AGPAT4: variants seen among roughly 807,000 people sequenced by gnomAD.
AGPAT4 encodes the protein 1-acyl-sn-glycerol-3-phosphate acyltransferase delta.
AGPAT4 carries 15 observed loss-of-function variants against 48.0 expected under a neutral mutation model. That is an observed-to-expected ratio of 0.31 (90% CI 0.21 to 0.48). The LOEUF is 0.48. Ranked by LOEUF, AGPAT4 falls within the 20% of genes least tolerant of loss-of-function variation. AGPAT4 has a pLI of 0.99. For missense variants in AGPAT4, 314 were observed against 482.5 expected (o/e 0.65, Z 3.27); for synonymous variants, 178 against 198.7 (o/e 0.90, Z 0.88).
intron 2 of AGPAT4, among the ~76,000 whole-genome samples, chr6:161,183,496 T>G (rs1038347657): frequency 6.6e-6 from 1 of 150,888 alleles, no homozygotes; most frequent in African/African-American, 2.4e-5. Context: ...GGCGCATGCC[T>G]GTAATCCCAG....
At chr6:161,187,589 G>C (rs182041876) in intron 2 of AGPAT4, among the ~76,000 whole-genome samples, 1 of 151,940 alleles carries the variant, frequency 6.6e-6, no homozygotes, top group Admixed American at 6.5e-5. Flanking sequence ...GCTCAGGCTG[G>C]ATGGAGTGCA....
rs775277076 is a variant in AGPAT4, at chr6:161,139,528, C to T, written c.936G>A (p.Leu312=). 1.9e-6 allele frequency: 3 copies of T among 1,614,026 alleles called. No homozygotes were observed. The East Asian group carries it at 6.7e-5, about 36-fold the overall frequency. The change falls in exon 8 of 9, where the codon CTG becomes CTA. Residue 312 remains leucine (L), a synonymous_variant. Transcript: ENST00000320285. The surrounding 1 kb of genome is among the most constrained non-coding windows in gnomAD (Gnocchi z 9.1). The stretch of plus-strand genomic sequence containing the variant: ...GGTAGAGCACCAGCGAGGCCCAAAA[C>T]AGCCAGTTCACGAGGGTCCAGGGCC... ...PRRPWTLVNW[L]FWASLVLYPF...
At position 161,171,772 on chromosome 6, in the gene AGPAT4, C is replaced by T. The variant is rs1444590177; in HGVS notation, c.179-5355G>A. On this transcript the variant is annotated intron_variant, in intron 2 of 8. Transcript: ENST00000320285. The surrounding 1 kb of genome is among the most constrained non-coding windows in gnomAD (Gnocchi z 4.4). ...AAAATTAGCTGGGCGTGGTGGCAGG[C>T]ACCTGTAGTCCCAGCTACTCGGGAG... Among the ~76,000 whole-genome samples, 2 of 151,562 alleles carry T rather than the reference C, an allele frequency of 1.3e-5. No homozygotes were observed. The highest frequency in any genetic ancestry group is 4.9e-5 in the African/African-American group (2 of 41,216).
In AGPAT4 at chr6:161,195,915, C is replaced by T. The variant is rs1276894350; in HGVS notation, c.179-29498G>A. ...GAATGTTCTCAAGGTCCGCTCCGAT[C>T]CTATCTTTTCCCAAAGCTTCCTGAC... On this transcript the variant is annotated intron_variant, in intron 2 of 8. Coordinates refer to ENST00000320285, the MANE Select transcript of AGPAT4 (RefSeq NM_020133.3). This position sits in a 1 kb window ranked among gnomAD's most constrained non-coding sequence, Gnocchi z 5.0. Among the ~76,000 whole-genome samples, 1 of 152,180 alleles carries T rather than the reference C, an allele frequency of 6.6e-6. No individual in the cohort carries two copies. The highest frequency in any genetic ancestry group is 2.4e-5 in the African/African-American group (1 of 41,434).
Position 161,165,470 on chromosome 6 carries a change from T to C in AGPAT4, c.348+778A>G, listed in dbSNP as rs1780067784. The C allele has an allele frequency of 1.6e-6, 1 of 635,592 alleles. No individual in the cohort carries two copies. The highest frequency in any genetic ancestry group is 3.8e-5 in the Admixed American group (1 of 26,204). 39.4% of individuals were successfully genotyped at this position (635,592 alleles called of 1,614,324 possible). ...CCCCCGTATCTGTTCTACAGGGCAT[T>C]GTTCCCAGGTGCAAAACCTGATCTC... On this transcript the variant is annotated intron_variant, in intron 3 of 8. Coordinates refer to ENST00000320285, the MANE Select transcript of AGPAT4 (RefSeq NM_020133.3). This position sits in a 1 kb window ranked among gnomAD's most constrained non-coding sequence, Gnocchi z 5.5.
In AGPAT4 at chr6:161,138,154, G is replaced by A. The variant is rs558106369; in HGVS notation, c.1042+1268C>T. Among the ~76,000 whole-genome samples the A allele has an allele frequency of 6.6e-6, 1 of 152,358 alleles. No individual in the cohort carries two copies. Among genetic ancestry groups the A allele is most frequent in the East Asian group, 1.9e-4 (1 of 5,180 alleles). ...CAGCCTCAGCATGGCGGGGCATGGGGGTGCCCCTGGACCTGCCTTAAGGAG... is the reference window on the plus strand; with the variant it reads ...CAGCCTCAGCATGGCGGGGCATGGGAGTGCCCCTGGACCTGCCTTAAGGAG... On this transcript the variant is annotated intron_variant, in intron 8 of 8. Transcript: ENST00000320285. This position sits in a 1 kb window ranked among gnomAD's most constrained non-coding sequence, Gnocchi z 4.8.
Position 161,130,536 on chromosome 6 carries a change from T to G in AGPAT4, c.*6004A>C, listed in dbSNP as rs1289273847. The G allele has an allele frequency of 5.4e-6, 1 of 186,082 alleles. No homozygotes were observed. The highest frequency in any genetic ancestry group is 1.1e-5 in the Non-Finnish European group (1 of 87,042). The allele number at this position is 186,082 out of a possible 1,614,324, so 11.5% of individuals were successfully genotyped here. A position where few individuals can be genotyped will look rare whatever the true frequency, so the allele number is the denominator to read the frequency against. On this transcript the variant is annotated 3_prime_UTR_variant, in exon 9 of 9. Coordinates refer to ENST00000320285, the MANE Select transcript of AGPAT4 (RefSeq NM_020133.3). The stretch of plus-strand genomic sequence containing the variant: ...AACCCTGGGTACAATTGATACAGGC[T>G]GAGAAGTAAGAATTCACTGTTCACT...
Position 161,180,664 on chromosome 6 carries a change from G to A in AGPAT4, c.179-14247C>T, listed in dbSNP as rs545993690. 8.5e-5 allele frequency among the ~76,000 whole-genome samples: 13 copies of A among 152,212 alleles called. No individual in the cohort carries two copies. In the South Asian group the frequency reaches 2.7e-3, roughly 32 times the overall value. ...TCAGAAGCATCCAAAATGCAAAAGC[G>A]AAGCTACTAAGTTTCTGGTGCCTGA... On this transcript the variant is annotated intron_variant, in intron 2 of 8. Transcript: ENST00000320285. This position sits in a 1 kb window ranked among gnomAD's most constrained non-coding sequence, Gnocchi z 6.4.
At position 161,159,112 on chromosome 6, in the gene AGPAT4, T is replaced by C. The variant is rs1033721934; in HGVS notation, c.349-4802A>G. On this transcript the variant is annotated intron_variant, in intron 3 of 8. Coordinates refer to ENST00000320285, the MANE Select transcript of AGPAT4 (RefSeq NM_020133.3). This position sits in a 1 kb window ranked among gnomAD's most constrained non-coding sequence, Gnocchi z 4.1. ...GCCTGCCTTTGAGTCCTTTGACTGT[T>C]TTCTTGACTACCAGCTGGAGCCACT... Among the ~76,000 whole-genome samples the C allele has an allele frequency of 5.1e-4, 78 of 152,214 alleles. No individual in the cohort carries two copies. Among genetic ancestry groups the C allele is most frequent in the Admixed American group, 4.0e-3 (61 of 15,276 alleles).
Position 161,161,299 on chromosome 6 carries a change from C to A in AGPAT4, c.348+4949G>T, listed in dbSNP as rs150657667. 5 of 456,710 alleles carry A rather than the reference C, an allele frequency of 1.1e-5. No homozygotes were observed. In the Admixed American group the frequency reaches 1.2e-4, roughly 11 times the overall value. 28.3% of individuals were successfully genotyped at this position (456,710 alleles called of 1,614,324 possible). ...CAGGATGGTAGTCGGTATGAACCCG[C>A]GGTGCAGCCATAGTCCCGTGAGCTG... On this transcript the variant is annotated intron_variant, in intron 3 of 8. Coordinates refer to ENST00000320285, the MANE Select transcript of AGPAT4 (RefSeq NM_020133.3). The surrounding 1 kb of genome is among the most constrained non-coding windows in gnomAD (Gnocchi z 4.6).
intron 1 of AGPAT4, among the ~76,000 whole-genome samples, chr6:161,257,589 C>T (rs1229672838): frequency 6.6e-6 from 1 of 151,842 alleles, no homozygotes; most frequent in African/African-American, 2.4e-5. Flanking sequence ...CTTAGTAATG[C>T]CATTAAAAAA....
chr6:161,165,537 A>C lies in AGPAT4; in HGVS notation c.348+711T>G. The C allele has an allele frequency of 8.2e-7, 1 of 1,212,470 alleles. No individual in the cohort carries two copies. The highest frequency in any genetic ancestry group is 1.1e-6 in the Non-Finnish European group (1 of 940,322). The allele number at this position is 1,212,470 out of a possible 1,614,324, so 75.1% of individuals were successfully genotyped here. On this transcript the variant is annotated intron_variant, in intron 3 of 8. Transcript: ENST00000320285. This position sits in a 1 kb window ranked among gnomAD's most constrained non-coding sequence, Gnocchi z 5.5. ...CTCTTAGGACCTTTCCTAGCCCCAG[A>C]CCAATGTACACTGTGTACACTGTGA...
chr6:161,182,779 G>A (rs1386152997), intron 2 of AGPAT4, among the ~76,000 whole-genome samples: 2 of 152,220 alleles, frequency 1.3e-5, no homozygotes, highest in African/African-American at 2.4e-5. Context: ...CCATGACATA[G>A]CCTCTAAAAC....
At position 161,161,283 on chromosome 6, in the gene AGPAT4, A is replaced by G. The variant is rs1481292547; in HGVS notation, c.348+4965T>C. ...CATGCGCTCCCACCTCCAGGATGGT[A>G]GTCGGTATGAACCCGCGGTGCAGCC... On this transcript the variant is annotated intron_variant, in intron 3 of 8. Coordinates refer to ENST00000320285, the MANE Select transcript of AGPAT4 (RefSeq NM_020133.3). The surrounding 1 kb of genome is among the most constrained non-coding windows in gnomAD (Gnocchi z 4.6). 2.2e-6 allele frequency: 1 copy of G among 456,642 alleles called. No individual in the cohort carries two copies. Among genetic ancestry groups the G allele is most frequent in the East Asian group, 7.0e-5 (1 of 14,382 alleles). 28.3% of individuals were successfully genotyped at this position (456,642 alleles called of 1,614,324 possible). A position where few individuals can be genotyped will look rare whatever the true frequency, so the allele number is the denominator to read the frequency against.
intron 1 of AGPAT4, among the ~76,000 whole-genome samples, chr6:161,252,316 C>T (rs1404722304): frequency 6.6e-6 from 1 of 152,120 alleles, no homozygotes; most frequent in African/African-American, 2.4e-5. Flanking sequence ...TTTCACGTTG[C>T]GAATTCCCAA....
At position 161,223,994 on chromosome 6, in the gene AGPAT4, G is replaced by A. The variant is rs895993919; in HGVS notation, c.178+8042C>T. 4.6e-5 allele frequency among the ~76,000 whole-genome samples: 7 copies of A among 152,204 alleles called. No individual in the cohort carries two copies. Among genetic ancestry groups the A allele is most frequent in the African/African-American group, 1.2e-4 (5 of 41,440 alleles). ...TTGTTCCTCTTAGCCTGCACGGATC[G>A]TGATTCTTTTATTTTTCTCCCATCT... On this transcript the variant is annotated intron_variant, in intron 2 of 8. Coordinates refer to ENST00000320285, the MANE Select transcript of AGPAT4 (RefSeq NM_020133.3). The surrounding 1 kb of genome is among the most constrained non-coding windows in gnomAD (Gnocchi z 6.3).
In AGPAT4 at chr6:161,215,082, T is replaced by G. The variant is rs1781608920; in HGVS notation, c.178+16954A>C. Among the ~76,000 whole-genome samples the G allele has an allele frequency of 6.6e-6, 1 of 152,212 alleles. No homozygotes were observed. Among genetic ancestry groups the G allele is most frequent in the South Asian group, 2.1e-4 (1 of 4,836 alleles). On this transcript the variant is annotated intron_variant, in intron 2 of 8. Transcript: ENST00000320285. This position sits in a 1 kb window ranked among gnomAD's most constrained non-coding sequence, Gnocchi z 4.5. ...GTTTTTTATGTGACATTTTAAATAC[T>G]TATTTAAATACCCCATAGAGACTGT...
rs754516858 is a variant in AGPAT4 at position 161,161,285 on chromosome 6, T to C, written c.348+4963A>G. 4.4e-6 allele frequency: 2 copies of C among 456,682 alleles called. No homozygotes were observed. Among genetic ancestry groups the C allele is most frequent in the Non-Finnish European group, 8.8e-6 (2 of 226,944 alleles). 28.3% of individuals were successfully genotyped at this position (456,682 alleles called of 1,614,324 possible). On this transcript the variant is annotated intron_variant, in intron 3 of 8. Coordinates refer to ENST00000320285, the MANE Select transcript of AGPAT4 (RefSeq NM_020133.3). The surrounding 1 kb of genome is among the most constrained non-coding windows in gnomAD (Gnocchi z 4.6). ...TGCGCTCCCACCTCCAGGATGGTAG[T>C]CGGTATGAACCCGCGGTGCAGCCAT... is the stretch of plus-strand genomic sequence containing the variant.
In AGPAT4 at chr6:161,164,117, A is replaced by G. The variant is rs1435752626; in HGVS notation, c.348+2131T>C. Among the ~76,000 whole-genome samples the G allele has an allele frequency of 6.6e-6, 1 of 152,126 alleles. No individual in the cohort carries two copies. Among genetic ancestry groups the G allele is most frequent in the Non-Finnish European group, 1.5e-5 (1 of 68,016 alleles). ...TCAGCGCTCCCGCCCTTATGCTCAG[A>G]GTTGTAAAGTGATCATGGATTCGGA... is the stretch of plus-strand genomic sequence containing the variant. On this transcript the variant is annotated intron_variant, in intron 3 of 8. Coordinates refer to ENST00000320285, the MANE Select transcript of AGPAT4 (RefSeq NM_020133.3). The surrounding 1 kb of genome is among the most constrained non-coding windows in gnomAD (Gnocchi z 7.4).
Sources: gnomAD v4.1 joint callset for allele counts (sites outside exome capture counted in the v4.1 genomes callset) on GRCh38, gnomAD v4.1.1 for gene constraint, Gnocchi (gnomAD v3.1) non-coding constraint, MANE v1.5 for transcripts, NCBI Gene and HGNC (gene_info 2026-07-23, HGNC 2026-07-21) for gene names.